CDH12: variants seen among roughly 807,000 people sequenced by gnomAD.
CDH12 encodes cadherin 12, also known as cadherin-12.
Under a neutral mutation model 74.1 loss-of-function variants are expected in CDH12, and 41 were observed. That is an observed-to-expected ratio of 0.55 (90% CI 0.43 to 0.72). The LOEUF (loss-of-function observed/expected upper bound fraction) is 0.72, where lower values mean the gene tolerates loss of function less well. CDH12 is among the 30% of genes least tolerant of loss of function. The probability of loss-of-function intolerance (pLI) is 0.00; values close to 1 mark genes in which losing one functional copy is unlikely to be tolerated. For synonymous variants in CDH12, 399 were observed against 355.0 expected (o/e 1.12, Z -1.39); for missense variants, 945 against 977.2 (o/e 0.97, Z 0.44).
intron 9 of CDH12, among the ~76,000 whole-genome samples, chr5:21,813,864 A>G (rs1167462137): frequency 6.6e-6 from 1 of 152,104 alleles, no homozygotes; most frequent in Non-Finnish European, 1.5e-5. Context: ...TCCTACTTTA[A>G]GTCTTTCTAG....
intron 4 of CDH12, among the ~76,000 whole-genome samples, chr5:22,087,348 G>A (rs1009110367): frequency 2.6e-5 from 4 of 151,962 alleles, no homozygotes; most frequent in African/African-American, 9.7e-5. Context: ...TGACAAGAAT[G>A]GGGAAAAAAG....
At chr5:22,773,746 C>T (rs536693289) in intron 1 of CDH12, among the ~76,000 whole-genome samples, 5 of 151,926 alleles carry the variant, frequency 3.3e-5, no homozygotes, top group Non-Finnish European at 1.5e-5. Flanking sequence ...ACTGTGCACA[C>T]AACAAAGGTC....
At chr5:21,936,120 T>G (rs1363033606) in intron 6 of CDH12, among the ~76,000 whole-genome samples, 1 of 152,202 alleles carries the variant, frequency 6.6e-6, no homozygotes, top group South Asian at 2.1e-4. Context: ...GGAGTGGGAT[T>G]GCTGGATCAT....
intron 2 of CDH12, among the ~76,000 whole-genome samples, chr5:22,452,594 T>C (rs1465032079): frequency 6.6e-6 from 1 of 151,724 alleles, no homozygotes; most frequent in Non-Finnish European, 1.5e-5. Context: ...ATATTTAAAT[T>C]TAAGATCCAA....
intron 5 of CDH12, among the ~76,000 whole-genome samples, 167 bp downstream of exon 5, chr5:22,078,279 A>G (rs1188727967): frequency 2.6e-5 from 4 of 152,162 alleles, no homozygotes; most frequent in Admixed American, 1.3e-4. Flanking sequence ...GATATTCTGA[A>G]GCTTACCCGG....
At chr5:21,763,403 C>T (rs531965891) in intron 12 of CDH12, among the ~76,000 whole-genome samples, 1 of 152,158 alleles carries the variant, frequency 6.6e-6, no homozygotes, top group South Asian at 2.1e-4. Context: ...AGGTTTAGAA[C>T]TATGGGACAA....
intron 1 of CDH12, among the ~76,000 whole-genome samples, chr5:22,677,391 T>G (rs1440408093): frequency 6.6e-6 from 1 of 152,040 alleles, no homozygotes; most frequent in Non-Finnish European, 1.5e-5. Flanking sequence ...AATTCAGTAT[T>G]TGCTGATGAC....
At chr5:22,655,674 C>T (rs910071116) in intron 1 of CDH12, among the ~76,000 whole-genome samples, 1 of 152,094 alleles carries the variant, frequency 6.6e-6, no homozygotes, top group African/African-American at 2.4e-5. Context: ...ACAATGAATG[C>T]CCTTTTGCAG....
chr5:21,794,619 C>A (rs527334076), intron 10 of CDH12, among the ~76,000 whole-genome samples: 1 of 151,608 alleles, frequency 6.6e-6, no homozygotes, highest in Non-Finnish European at 1.5e-5. Context: ...TACAAAATAT[C>A]TATTTTTTTC....
intron 4 of CDH12, among the ~76,000 whole-genome samples, chr5:22,173,312 T>A (rs1336961143): frequency 6.8e-6 from 1 of 146,796 alleles, no homozygotes; most frequent in African/African-American, 2.5e-5. Flanking sequence ...ATAATTTACA[T>A]TTTATAAATC....
chr5:22,635,092 C>G (rs987381792), intron 1 of CDH12, among the ~76,000 whole-genome samples: 22 of 151,812 alleles, frequency 1.4e-4, no homozygotes, highest in African/African-American at 5.1e-4. Context: ...TCCAATTTCA[C>G]AATTTACTTC....
At chr5:22,050,052 G>A (rs1023424093) in intron 5 of CDH12, among the ~76,000 whole-genome samples, 1 of 151,946 alleles carries the variant, frequency 6.6e-6, no homozygotes, top group Non-Finnish European at 1.5e-5. Context: ...CACATCATTT[G>A]TTTCCCCTCC....
intron 6 of CDH12, among the ~76,000 whole-genome samples, chr5:21,856,460 GTAT>G (rs1329494445): frequency 6.6e-6 from 1 of 151,666 alleles, no homozygotes; most frequent in Non-Finnish European, 1.5e-5. Flanking sequence ...GAAAATGAAA[GTAT>G]TATACTTAGT....
At chr5:21,997,604 C>T (rs1006783462) in intron 5 of CDH12, among the ~76,000 whole-genome samples, 1 of 152,026 alleles carries the variant, frequency 6.6e-6, no homozygotes, top group African/African-American at 2.4e-5. Flanking sequence ...TGATATTTCT[C>T]CATGGAAAAC....
chr5:22,545,668 T>A (rs914884065), intron 1 of CDH12, among the ~76,000 whole-genome samples: 7 of 152,214 alleles, frequency 4.6e-5, no homozygotes, highest in Admixed American at 3.3e-4. Context: ...ACAATTACAT[T>A]TTAATCCATA....
intron 4 of CDH12, among the ~76,000 whole-genome samples, chr5:22,094,541 T>C (rs1580239708): frequency 6.6e-6 from 1 of 152,098 alleles, no homozygotes; most frequent in East Asian, 1.9e-4. Flanking sequence ...GGGGGTGGCA[T>C]GGCCTGTAAG....
intron 1 of CDH12, among the ~76,000 whole-genome samples, chr5:22,704,222 G>A (rs1379055801): frequency 2.0e-5 from 3 of 152,088 alleles, no homozygotes; most frequent in Non-Finnish European, 4.4e-5. Context: ...ATACAGAGAG[G>A]CAGCGAAAGG....
intron 2 of CDH12, among the ~76,000 whole-genome samples, chr5:22,451,253 T>C (rs891022270): frequency 3.3e-5 from 5 of 152,056 alleles, no homozygotes; most frequent in African/African-American, 1.2e-4. Flanking sequence ...AATGAATGAA[T>C]GATAAATGAT....
Position 21,975,199 on chromosome 5 carries a change from G to A in CDH12, c.418C>T (p.Leu140=). The A allele has an allele frequency of 1.9e-6, 3 of 1,597,058 alleles. No homozygotes were observed. The highest frequency in any genetic ancestry group is 2.5e-6 in the Non-Finnish European group (3 of 1,179,444). The change falls in exon 6 of 15, where the codon CTG becomes TTG. Residue 140 remains leucine, a synonymous_variant. Transcript: ENST00000382254. The part of the protein sequence containing the change: ...QAVDIETRKP[L]EPESEFIIKV... ...ATGATGAATTCTGATTCAGGCTCCAGGGGCTTTCTGGTTTCTATGTCCACA... is the reference window on the plus strand; with the variant it reads ...ATGATGAATTCTGATTCAGGCTCCAAGGGCTTTCTGGTTTCTATGTCCACA...
Sources: allele counts gnomAD v4.1 joint callset (sites outside exome capture counted in the v4.1 genomes callset), GRCh38; gene constraint gnomAD v4.1.1; transcripts MANE v1.5; gene names NCBI Gene and HGNC (gene_info 2026-07-23, HGNC 2026-07-21).